The following WDR33 variants were observed in gnomAD, a reference collection of about 807,000 sequenced individuals.
The protein encoded by WDR33 is pre-mRNA 3' end processing protein WDR33.
A neutral mutation model predicts 164.9 loss-of-function variants in WDR33; 47 were observed. The ratio of observed to expected loss-of-function variants is 0.29; its 90% CI spans 0.23 to 0.36. The LOEUF is 0.36. Ranked by LOEUF, WDR33 falls within the 10% of genes least tolerant of loss-of-function variation. The pLI is 1.00. For synonymous variants in WDR33, 505 were observed against 589.0 expected (o/e 0.86, Z 2.06); for missense variants, 1,137 against 1,754.1 (o/e 0.65, Z 6.28).
chr2:127,810,102 C>G (rs140608719), intron 1 of WDR33, among the ~76,000 whole-genome samples: 3 of 152,126 alleles, frequency 2.0e-5, no homozygotes, highest in Non-Finnish European at 2.9e-5. Context: ...CATGCATTAG[C>G]TCTCCAGAGT....
At position 127,709,211 on chromosome 2, in the gene WDR33, G is replaced by A. The variant is rs2533424; in HGVS notation, c.3565+279C>T. ...TACCATATTAGCAATTGAGACTGGG[G>A]AAATTTTAATTCACTTAACTTTATT... On this transcript the variant is annotated intron_variant, in intron 20 of 21. Coordinates refer to ENST00000322313, the MANE Select transcript of WDR33 (RefSeq NM_018383.5). The surrounding 1 kb of genome is among the most constrained non-coding windows in gnomAD (Gnocchi z 5.0). Among the ~76,000 whole-genome samples, 97,993 of 152,130 alleles carry A rather than the reference G, an allele frequency of 0.64. 33,972 individuals are homozygous for A. Among genetic ancestry groups the A allele is most frequent in the African/African-American group, 0.9 (37,523 of 41,528 alleles).
chr2:127,762,800 T>C (rs771411436), intron 7 of WDR33: 18 of 1,257,700 alleles, frequency 1.4e-5, no homozygotes, highest in East Asian at 3.9e-5. Flanking sequence ...CCCTAAAAGA[T>C]GCATACAGAT....
intron 17 of WDR33, among the ~76,000 whole-genome samples, chr2:127,715,088 C>CTTTTTTTTTTTTTTTTTTTTT (rs386391178): frequency 1.0e-4 from 11 of 108,576 alleles, no homozygotes; most frequent in African/African-American, 1.1e-4. Flanking sequence ...TTCTTTGTTT[C>CTTTTTTTTTTTTTTTTTTTTT]TTTTTTTTTT....
intron 7 of WDR33, among the ~76,000 whole-genome samples, chr2:127,732,307 T>C (rs1686731844): frequency 7.2e-6 from 1 of 138,954 alleles, no homozygotes; most frequent in Non-Finnish European, 1.6e-5. Context: ...AACTTTTTTC[T>C]TTTTTTTTTG....
In WDR33 at chr2:127,775,800, T is replaced by G. The variant is rs191962210; in HGVS notation, c.-23-4796A>C. ...AAAACGGGTTCTGAAAAGGGGCTTTTAACTTTTCCTTGAATGATCAAGTAC... is the reference window on the plus strand; with the variant it reads ...AAAACGGGTTCTGAAAAGGGGCTTTGAACTTTTCCTTGAATGATCAAGTAC... On this transcript the variant is annotated intron_variant, in intron 1 of 21. Coordinates refer to ENST00000322313, the MANE Select transcript of WDR33 (RefSeq NM_018383.5). Among the ~76,000 whole-genome samples the G allele has an allele frequency of 2.0e-5, 3 of 152,284 alleles. No individual in the cohort carries two copies. The East Asian group carries it at 5.8e-4, about 29-fold the overall frequency.
chr2:127,788,532 C>G (rs1373585970), intron 1 of WDR33, among the ~76,000 whole-genome samples: 8 of 121,034 alleles, frequency 6.6e-5, no homozygotes, highest in East Asian at 2.6e-4. Context: ...GCTGACCCCC[C>G]CATCTCCCTC....
intron 1 of WDR33, among the ~76,000 whole-genome samples, chr2:127,772,462 T>G (rs1373943403): frequency 1.3e-5 from 2 of 152,084 alleles, no homozygotes; most frequent in Admixed American, 1.3e-4. Context: ...ACTTAGATGT[T>G]TGATTATAAA....
chr2:127,803,568 AAAAT>A (rs1018519403), intron 1 of WDR33, among the ~76,000 whole-genome samples: 2 of 152,142 alleles, frequency 1.3e-5, no homozygotes, highest in Non-Finnish European at 2.9e-5. Context: ...ACTGTCTCAA[AAAAT>A]AAATAAAATA....
intron 1 of WDR33, among the ~76,000 whole-genome samples, chr2:127,804,210 A>T (rs926459392): frequency 1.2e-4 from 19 of 152,092 alleles, no homozygotes; most frequent in African/African-American, 4.6e-4. Flanking sequence ...AGTCCCAGCT[A>T]CTCGGGAGGT....
chr2:127,780,920 G>T (rs1268642080), intron 1 of WDR33, among the ~76,000 whole-genome samples: 1 of 152,086 alleles, frequency 6.6e-6, no homozygotes, highest in East Asian at 1.9e-4. Context: ...GAGTGCAGTG[G>T]CACCATCTCA....
rs2105379671 is a variant in WDR33, at chr2:127,719,141, G to C, written c.2760+124C>G. Reference sequence around the variant, plus strand: ...TTCAGCCAGGATGCTAGTATCTTAAGCTACTGTCACTACTTGATAAGTATT... The same window carrying C: ...TTCAGCCAGGATGCTAGTATCTTAACCTACTGTCACTACTTGATAAGTATT... On this transcript the variant is annotated intron_variant, in intron 16 of 21. Coordinates refer to ENST00000322313, the MANE Select transcript of WDR33 (RefSeq NM_018383.5). The surrounding 1 kb of genome is among the most constrained non-coding windows in gnomAD (Gnocchi z 6.5). 1 of 1,208,952 alleles carries C rather than the reference G, an allele frequency of 8.3e-7. No individual in the cohort carries two copies. Among genetic ancestry groups the C allele is most frequent in the South Asian group, 3.4e-5 (1 of 29,518 alleles). The allele number at this position is 1,208,952 out of a possible 1,614,324, so 74.9% of individuals were successfully genotyped here.
rs1162101642 is a variant in WDR33, at chr2:127,708,203, T to A, written c.3781+474A>T. ...CCACAGTTCCCAGTTGAGGAGATAA[T>A]CTACTGTGCCCCTGGAAACACTGCC... On this transcript the variant is annotated intron_variant, in intron 21 of 21. Transcript: ENST00000322313. The surrounding 1 kb of genome is among the most constrained non-coding windows in gnomAD (Gnocchi z 6.7). 6.6e-6 allele frequency among the ~76,000 whole-genome samples: 1 copy of A among 152,130 alleles called. No homozygotes were observed. The highest frequency in any genetic ancestry group is 1.5e-5 in the Non-Finnish European group (1 of 68,032).
intron 1 of WDR33, chr2:127,798,951 G>A (rs894933811): frequency 2.0e-5 from 3 of 151,094 alleles, no homozygotes; most frequent in Non-Finnish European, 2.9e-5. Context: ...CAACTTCAGT[G>A]ACACTAATGT....
At position 127,763,676 on chromosome 2, in the gene WDR33, G is replaced by A; in HGVS notation, c.627-517C>T. Reference sequence around the variant, plus strand: ...TTCTCATCCATTTCAAAGGTCTGTAGAAAAGTTTCACATCTTCCTGGCAAG... The same window carrying A: ...TTCTCATCCATTTCAAAGGTCTGTAAAAAAGTTTCACATCTTCCTGGCAAG... On this transcript the variant is annotated intron_variant, in intron 6 of 21. Coordinates refer to ENST00000322313, the MANE Select transcript of WDR33 (RefSeq NM_018383.5). The surrounding 1 kb of genome is among the most constrained non-coding windows in gnomAD (Gnocchi z 4.5). 1.0e-6 allele frequency: 1 copy of A among 985,836 alleles called. No individual in the cohort carries two copies. Among genetic ancestry groups the A allele is most frequent in the Non-Finnish European group, 1.2e-6 (1 of 830,244 alleles). 61.1% of individuals were successfully genotyped at this position (985,836 alleles called of 1,614,324 possible). A position where few individuals can be genotyped will look rare whatever the true frequency, so the allele number is the denominator to read the frequency against.
chr2:127,735,165 G>A lies in WDR33; in HGVS notation c.725-8388C>T, dbSNP rs1686809199. 6.6e-6 allele frequency among the ~76,000 whole-genome samples: 1 copy of A among 152,216 alleles called. No individual in the cohort carries two copies. The highest frequency in any genetic ancestry group is 1.5e-5 in the Non-Finnish European group (1 of 68,040). On this transcript the variant is annotated intron_variant, in intron 7 of 21. Transcript: ENST00000322313. This position sits in a 1 kb window ranked among gnomAD's most constrained non-coding sequence, Gnocchi z 4.3. ...TAGAACCAGTAAGGGCAGAAGGTCT[G>A]CTTTTTGACTATTCCCTTAAAGGAG... is the stretch of plus-strand genomic sequence containing the variant.
rs1158133196 is a variant in WDR33, at chr2:127,701,156, G to C, written c.*5167C>G. 1.7e-5 allele frequency: 3 copies of C among 171,518 alleles called. No individual in the cohort carries two copies. Among genetic ancestry groups the C allele is most frequent in the African/African-American group, 7.1e-5 (3 of 42,252 alleles). 10.6% of individuals were successfully genotyped at this position (171,518 alleles called of 1,614,324 possible). A position where few individuals can be genotyped will look rare whatever the true frequency, so the allele number is the denominator to read the frequency against. ...CTAGCACAATATCACCGCCACGGTA[G>C]ACGCAGTGAGGCCATAAGACATTTC... On this transcript the variant is annotated 3_prime_UTR_variant, in exon 22 of 22. Transcript: ENST00000322313.
intron 1 of WDR33, among the ~76,000 whole-genome samples, chr2:127,803,944 T>C (rs1217784487): frequency 9.1e-6 from 1 of 110,300 alleles, no homozygotes; most frequent in Non-Finnish European, 1.7e-5. Context: ...TGAGACCCAG[T>C]CTCAAAAAAA....
intron 7 of WDR33, among the ~76,000 whole-genome samples, chr2:127,747,843 C>T (rs1240143314): frequency 2.0e-5 from 3 of 152,188 alleles, no homozygotes; most frequent in Non-Finnish European, 4.4e-5. Flanking sequence ...AGCCCCTGAC[C>T]TCTGAGAACT....
At chr2:127,765,772 T>C (rs1269853815) in intron 4 of WDR33, among the ~76,000 whole-genome samples, 1 of 150,168 alleles carries the variant, frequency 6.7e-6, no homozygotes, top group East Asian at 1.9e-4. Flanking sequence ...GCTTTCAAAC[T>C]CTTCCTGCAG....
Sources: gnomAD v4.1 joint callset for allele counts (sites outside exome capture counted in the v4.1 genomes callset) on GRCh38, gnomAD v4.1.1 for gene constraint, Gnocchi (gnomAD v3.1) non-coding constraint, MANE v1.5 for transcripts, NCBI Gene and HGNC (gene_info 2026-07-23, HGNC 2026-07-21) for gene names.